Variants in PPP2R2B observed in about 807,000 individuals in gnomAD.
PPP2R2B encodes serine/threonine-protein phosphatase 2A 55 kDa regulatory subunit B beta isoform.
Under a neutral mutation model 46.0 loss-of-function variants are expected in PPP2R2B, and 5 were observed. The observed-to-expected ratio is 0.11, with a 90% CI of 0.06 to 0.23. The LOEUF is 0.23. Ranked by LOEUF, PPP2R2B falls within the 10% of genes least tolerant of loss-of-function variation. The pLI is 1.00. For missense variants in PPP2R2B, 367 were observed against 575.0 expected (o/e 0.64, Z 3.70); for synonymous variants, 215 against 206.7 (o/e 1.04, Z -0.34).
intron 2 of PPP2R2B, among the ~76,000 whole-genome samples, chr5:146,778,495 A>G (rs1755320439): frequency 6.6e-6 from 1 of 152,194 alleles, no homozygotes; most frequent in African/African-American, 2.4e-5. Context: ...AAAAATTGTC[A>G]TAGCTATTGC....
chr5:146,589,637 G>A lies in PPP2R2B; in HGVS notation c.*310C>T. Reference sequence around the variant, plus strand: ...CTCATTTTATCGCAGCAGACACCTAGGAACAAAACACTGGACCCACCAGAG... The same window carrying A: ...CTCATTTTATCGCAGCAGACACCTAAGAACAAAACACTGGACCCACCAGAG... On this transcript the variant is annotated 3_prime_UTR_variant, in exon 10 of 10. Transcript: ENST00000394411. 3.5e-6 allele frequency: 1 copy of A among 283,590 alleles called. No individual in the cohort carries two copies. 17.6% of individuals were successfully genotyped at this position (283,590 alleles called of 1,614,324 possible).
At chr5:146,994,022 A>G (rs991921822) in intron 1 of PPP2R2B, among the ~76,000 whole-genome samples, 1 of 152,152 alleles carries the variant, frequency 6.6e-6, no homozygotes, top group African/African-American at 2.4e-5. Flanking sequence ...CACTTCAGGA[A>G]TAGCTAAGCA....
chr5:146,772,541 G>T (rs1754935022), intron 2 of PPP2R2B, among the ~76,000 whole-genome samples: 2 of 151,476 alleles, frequency 1.3e-5, no homozygotes, highest in African/African-American at 4.9e-5. Context: ...CAACTTCTTT[G>T]TCTATATTCT....
intron 2 of PPP2R2B, among the ~76,000 whole-genome samples, chr5:147,073,300 C>T (rs1299726886): frequency 3.3e-5 from 5 of 152,096 alleles, no homozygotes; most frequent in East Asian, 1.9e-4. Context: ...GCAAAGAACC[C>T]GCTTCCCTTC....
At chr5:146,864,860 A>G (rs1761218377) in intron 2 of PPP2R2B, among the ~76,000 whole-genome samples, 1 of 152,200 alleles carries the variant, frequency 6.6e-6, no homozygotes, top group Non-Finnish European at 1.5e-5. Flanking sequence ...AAAATTTGTG[A>G]CAATGTGAGG....
At chr5:146,632,926 C>T (rs1286638306) in intron 7 of PPP2R2B, among the ~76,000 whole-genome samples, 1 of 152,136 alleles carries the variant, frequency 6.6e-6, no homozygotes, top group Admixed American at 6.5e-5. Flanking sequence ...ACCAGATTTA[C>T]GGGGCACGTT....
At chr5:146,706,845 T>C (rs1048559518) in intron 2 of PPP2R2B, 2 of 1,065,948 alleles carry the variant, frequency 1.9e-6, no homozygotes, top group African/African-American at 3.1e-5. Context: ...GCGATGATGC[T>C]GTCCGTGTCC....
chr5:146,994,873 T>A (rs2151864816), intron 1 of PPP2R2B, among the ~76,000 whole-genome samples: 1 of 152,326 alleles, frequency 6.6e-6, no homozygotes, highest in South Asian at 2.1e-4. Context: ...GATTTTATTA[T>A]TTAATGGGAA....
intron 1 of PPP2R2B, among the ~76,000 whole-genome samples, chr5:146,884,031 G>A (rs1362447140): frequency 6.7e-6 from 1 of 149,680 alleles, no homozygotes; most frequent in Admixed American, 6.7e-5. Context: ...TCAGAAATCT[G>A]CCATGGTAGG....
intron 1 of PPP2R2B, among the ~76,000 whole-genome samples, chr5:146,902,157 TG>T (rs1762855361): frequency 6.6e-6 from 1 of 152,140 alleles, no homozygotes; most frequent in African/African-American, 2.4e-5. Flanking sequence ...TCATCTTCCT[TG>T]CCCCCAAAGT....
intron 1 of PPP2R2B, among the ~76,000 whole-genome samples, chr5:147,051,210 A>G (rs1234867005): frequency 6.6e-6 from 1 of 152,174 alleles, no homozygotes; most frequent in Non-Finnish European, 1.5e-5. Context: ...TCGGATTCAG[A>G]GAGTTTGGAC....
chr5:146,714,601 G>A (rs892500455), intron 2 of PPP2R2B, among the ~76,000 whole-genome samples: 9 of 152,204 alleles, frequency 5.9e-5, no homozygotes, highest in South Asian at 2.1e-4. Flanking sequence ...AGGACTGGTC[G>A]CCACTAACAT....
chr5:146,737,621 A>G (rs770539501), intron 2 of PPP2R2B, among the ~76,000 whole-genome samples: 1 of 152,128 alleles, frequency 6.6e-6, no homozygotes, highest in Non-Finnish European at 1.5e-5. Context: ...TTAGTAATAT[A>G]CTAATTTGCC....
At chr5:146,805,074 A>C (rs1182850280) in intron 2 of PPP2R2B, among the ~76,000 whole-genome samples, 1 of 152,188 alleles carries the variant, frequency 6.6e-6, no homozygotes, top group Non-Finnish European at 1.5e-5. Flanking sequence ...TGCTGGGAAG[A>C]GATTAACTTT....
At chr5:146,820,864 C>G (rs563164665) in intron 2 of PPP2R2B, among the ~76,000 whole-genome samples, 1 of 152,168 alleles carries the variant, frequency 6.6e-6, no homozygotes, top group African/African-American at 2.4e-5. Flanking sequence ...CTCAGCTGCA[C>G]CATTGACCTA....
intron 1 of PPP2R2B, among the ~76,000 whole-genome samples, chr5:147,051,754 T>TC (rs1756834123): frequency 1.6e-5 from 1 of 62,570 alleles, no homozygotes; most frequent in African/African-American, 6.4e-5. Flanking sequence ...TTTTGCTTCC[T>TC]TTTTTTTTTT....
At chr5:146,644,180 G>A (rs369434109) in intron 6 of PPP2R2B, among the ~76,000 whole-genome samples, 3 of 126,302 alleles carry the variant, frequency 2.4e-5, no homozygotes, top group African/African-American at 6.0e-5. Context: ...AAAGAATATC[G>A]TAATGCAAAA....
At chr5:146,790,749 C>G (rs1181546999) in intron 2 of PPP2R2B, among the ~76,000 whole-genome samples, 1 of 152,210 alleles carries the variant, frequency 6.6e-6, no homozygotes, top group African/African-American at 2.4e-5. Context: ...AGATTTTCTT[C>G]TCTGAAAATC....
intron 7 of PPP2R2B, among the ~76,000 whole-genome samples, chr5:146,627,563 C>G (rs934871945): frequency 2.0e-5 from 3 of 152,154 alleles, no homozygotes; most frequent in African/African-American, 7.2e-5. Flanking sequence ...AAAATGGACT[C>G]TTGTGAAATT....
Sources: allele counts gnomAD v4.1 joint callset (sites outside exome capture counted in the v4.1 genomes callset), GRCh38; gene constraint gnomAD v4.1.1; transcripts MANE v1.5; gene names NCBI Gene and HGNC (gene_info 2026-07-23, HGNC 2026-07-21).